DLG2: variants seen among roughly 807,000 people sequenced by gnomAD.
The protein encoded by DLG2 is disks large homolog 2.
A neutral mutation model predicts 132.5 loss-of-function variants in DLG2; 45 were observed. That is an observed-to-expected ratio of 0.34 (90% CI 0.27 to 0.44). The LOEUF is 0.44. DLG2 is among the 20% of genes least tolerant of loss of function. The probability of loss-of-function intolerance (pLI) is 1.00; values close to 1 mark genes in which losing one functional copy is unlikely to be tolerated. For synonymous variants in DLG2, 424 were observed against 419.6 expected, an observed-to-expected ratio of 1.01 and a Z score of -0.13; for missense variants, 1,045 against 1,196.9, an observed-to-expected ratio of 0.87 and a Z score of 1.87.
At chr11:85,205,009 C>G (rs2081765738) in intron 4 of DLG2, among the ~76,000 whole-genome samples, 2 of 151,984 alleles carry the variant, frequency 1.3e-5, no homozygotes, top group African/African-American at 2.4e-5. Flanking sequence ...ATCCCTACCT[C>G]TCACTTTACA....
intron 6 of DLG2, among the ~76,000 whole-genome samples, chr11:84,854,311 C>T (rs1279140611): frequency 1.3e-5 from 2 of 148,746 alleles, no homozygotes; most frequent in African/African-American, 4.9e-5. Context: ...AAAAGTTTTT[C>T]TTTTTTTTTT....
intron 17 of DLG2, among the ~76,000 whole-genome samples, chr11:83,789,219 A>C (rs2040832841): frequency 6.6e-6 from 1 of 152,232 alleles, no homozygotes; most frequent in South Asian, 2.1e-4. Flanking sequence ...TAATAGATTA[A>C]AAATTCATCT....
At chr11:85,279,225 GA>G (rs1336973508) in intron 4 of DLG2, among the ~76,000 whole-genome samples, 6 of 152,044 alleles carry the variant, frequency 3.9e-5, no homozygotes, top group Non-Finnish European at 8.8e-5. Flanking sequence ...AAGTTATGAA[GA>G]AAAAACATGT....
At chr11:85,469,748 T>C (rs2092922246) in intron 3 of DLG2, 2 of 152,232 alleles carry the variant, frequency 1.3e-5, no homozygotes, top group Admixed American at 6.5e-5. Flanking sequence ...GCCTTAAGTA[T>C]TTGGTTTTCC....
At chr11:85,424,025 G>C (rs1025562267) in intron 3 of DLG2, among the ~76,000 whole-genome samples, 12 of 152,138 alleles carry the variant, frequency 7.9e-5, no homozygotes, top group African/African-American at 2.9e-4. Flanking sequence ...CCTTTTCCCA[G>C]TGCCTCTGGC....
chr11:84,797,495 A>G (rs936987904), intron 6 of DLG2, among the ~76,000 whole-genome samples: 8 of 152,180 alleles, frequency 5.3e-5, no homozygotes, highest in African/African-American at 1.4e-4. Flanking sequence ...TTTTTGATCA[A>G]TTCTGCTGTT....
chr11:83,763,343 A>G (rs2093996460), intron 18 of DLG2, among the ~76,000 whole-genome samples: 2 of 152,138 alleles, frequency 1.3e-5, no homozygotes, highest in African/African-American at 4.8e-5. Context: ...TCCACCATCA[A>G]GTAGACTCCA....
At chr11:83,861,145 G>A (rs936137783) in intron 16 of DLG2, among the ~76,000 whole-genome samples, 1 of 152,176 alleles carries the variant, frequency 6.6e-6, no homozygotes, top group African/African-American at 2.4e-5. Flanking sequence ...ACATCACTGA[G>A]CATCAGAGAA....
Position 85,401,475 on chromosome 11 carries a change from G to A in DLG2, c.41-116110C>T, listed in dbSNP as rs547001872. 8.5e-5 allele frequency among the ~76,000 whole-genome samples: 13 copies of A among 152,232 alleles called. No individual in the cohort carries two copies. The South Asian group carries it at 2.1e-3, about 24-fold the overall frequency. On this transcript the variant is annotated intron_variant, in intron 3 of 27. Transcript: ENST00000376104. ...ACCACTCCTATTCCACATAGTATTGGAAGTTCTGGCTAGGGCAATCAGGCA... is the reference window on the plus strand; with the variant it reads ...ACCACTCCTATTCCACATAGTATTGAAAGTTCTGGCTAGGGCAATCAGGCA...
intron 6 of DLG2, among the ~76,000 whole-genome samples, chr11:84,704,947 TTTTAAA>T (rs2059632794): frequency 6.7e-6 from 1 of 149,388 alleles, no homozygotes; most frequent in Non-Finnish European, 1.5e-5. Context: ...TATATATATA[TTTTAAA>T]TTTAAGTAGG....
chr11:84,463,220 T>C (rs1213761759), intron 7 of DLG2, among the ~76,000 whole-genome samples: 2 of 151,178 alleles, frequency 1.3e-5, no homozygotes, highest in Non-Finnish European at 3.0e-5. Context: ...CCAGGCAGTG[T>C]CTTTTCCTCA....
At chr11:84,079,274 G>GTT (rs1457765323) in intron 10 of DLG2, among the ~76,000 whole-genome samples, 2 of 61,704 alleles carry the variant, frequency 3.2e-5, no homozygotes, top group Non-Finnish European at 6.1e-5. Flanking sequence ...TCTATTTTTG[G>GTT]TTTGTTTTTT....
At chr11:84,385,815 C>T (rs1183251214) in intron 7 of DLG2, among the ~76,000 whole-genome samples, 7 of 152,012 alleles carry the variant, frequency 4.6e-5, no homozygotes, top group Non-Finnish European at 1.0e-4. Context: ...CTTAAATGAA[C>T]AATAAAGAGA....
At chr11:84,299,343 G>A (rs1015574628) in intron 7 of DLG2, among the ~76,000 whole-genome samples, 1 of 152,164 alleles carries the variant, frequency 6.6e-6, no homozygotes, top group African/African-American at 2.4e-5. Context: ...AGATCTAGGA[G>A]GCTACAGGTT....
intron 17 of DLG2, among the ~76,000 whole-genome samples, chr11:83,825,874 T>C (rs1339675552): frequency 6.6e-6 from 1 of 152,124 alleles, no homozygotes; most frequent in Non-Finnish European, 1.5e-5. Context: ...CGGCCATTCA[T>C]TGTGTGGATG....
At chr11:84,227,105 A>G (rs1195310580) in intron 8 of DLG2, among the ~76,000 whole-genome samples, 1 of 151,960 alleles carries the variant, frequency 6.6e-6, no homozygotes, top group Non-Finnish European at 1.5e-5. Context: ...TAATTAATTA[A>G]TTAATTAAAA....
intron 11 of DLG2, among the ~76,000 whole-genome samples, chr11:84,002,225 C>T (rs867067918): frequency 2.6e-5 from 4 of 152,128 alleles, no homozygotes; most frequent in African/African-American, 2.4e-5. Flanking sequence ...AGAGGAGACA[C>T]GACCATTGAT....
chr11:83,836,642 G>T (rs1261239092), intron 16 of DLG2, among the ~76,000 whole-genome samples: 1 of 152,108 alleles, frequency 6.6e-6, no homozygotes, highest in South Asian at 2.1e-4. Context: ...CTTTTCTTAT[G>T]TAAGAACTTA....
chr11:85,224,913 G>T (rs556280747), intron 4 of DLG2, among the ~76,000 whole-genome samples: 1 of 152,100 alleles, frequency 6.6e-6, no homozygotes, highest in Non-Finnish European at 1.5e-5. Context: ...ATTGGATAAT[G>T]TTACCCTACC....
Sources: allele counts gnomAD v4.1 joint callset (sites outside exome capture counted in the v4.1 genomes callset), GRCh38; gene constraint gnomAD v4.1.1; transcripts MANE v1.5; gene names NCBI Gene and HGNC (gene_info 2026-07-23, HGNC 2026-07-21).